The following SPOCK2 variants were observed in gnomAD, a reference collection of about 807,000 sequenced individuals.
SPOCK2 encodes the protein testican-2.
A neutral mutation model predicts 60.1 loss-of-function variants in SPOCK2; 39 were observed. That is an observed-to-expected ratio of 0.65 (90% CI 0.50 to 0.85). The LOEUF (loss-of-function observed/expected upper bound fraction) is 0.85. SPOCK2 is among the 40% of genes least tolerant of loss of function. The pLI, the probability that SPOCK2 is intolerant of heterozygous loss-of-function variation, is 0.00. For synonymous variants in SPOCK2, 217 were observed against 231.5 expected (o/e 0.94, Z 0.57); for missense variants, 523 against 567.4 (o/e 0.92, Z 0.80).
chr10:72,074,206 G>A (rs1840685512), intron 1 of SPOCK2, among the ~76,000 whole-genome samples: 1 of 152,146 alleles, frequency 6.6e-6, no homozygotes, highest in South Asian at 2.1e-4. Flanking sequence ...TGCCTAAAGG[G>A]CTTTGAAATC....
intron 4 of SPOCK2, 33 bp downstream of exon 4, chr10:72,072,111 C>T: frequency 2.8e-6 from 4 of 1,450,260 alleles, no homozygotes; most frequent in Middle Eastern, 1.8e-4. Flanking sequence ...GAACACACCC[C>T]CTCCAGGGCT....
At position 72,063,123 on chromosome 10, in the gene SPOCK2, C is replaced by T. The variant is rs150195500; in HGVS notation, c.1031G>A (p.Arg344Gln). The T allele has an allele frequency of 1.1e-5, 17 of 1,556,352 alleles. No homozygotes were observed. The highest frequency in any genetic ancestry group is 5.5e-5 in the African/African-American group (4 of 73,346). ...IPSCDEDGYY[R>Q]KMQCDQSSGD... is the part of the protein sequence containing the mutation. ...GCTGCTCTGGTCACACTGCATCTTC[C>T]GGTAGTAGCCATCCTCGTCGCAGCT... The change falls in exon 10 of 11, where the codon CGG (arginine) becomes CAG (glutamine). Residue 344 changes from arginine to glutamine, a missense_variant. Arg to Gln is a conservative substitution (Grantham distance 43). Transcript: ENST00000373109.
intron 1 of SPOCK2, among the ~76,000 whole-genome samples, chr10:72,079,887 T>C (rs571160081): frequency 6.6e-6 from 1 of 152,140 alleles, no homozygotes; most frequent in Non-Finnish European, 1.5e-5. Flanking sequence ...TGCCAGCAAG[T>C]GAGTCGCTTC....
At position 72,070,316 on chromosome 10, in the gene SPOCK2, G is replaced by C; in HGVS notation, c.470C>G (p.Ser157Cys). The C allele has an allele frequency of 6.2e-7, 1 of 1,614,138 alleles. No homozygotes were observed. ...CCTGGGGCCTGGGCTCCTCACCACA[G>C]AGCTGTAAGTGTGGCCATCTGAGCC... The part of the protein sequence containing the change: ...VCGSDGHTYS[S>C]VCKLEQQACL... The change falls in exon 5 of 11, where the codon TCT (serine) becomes TGT (cysteine). Residue 157 changes from serine to cysteine, a missense_variant. Coordinates refer to ENST00000373109, the MANE Select transcript of SPOCK2 (RefSeq NM_001244950.2).
chr10:72,064,815 C>A (rs1840546339), intron 8 of SPOCK2, among the ~76,000 whole-genome samples: 1 of 152,110 alleles, frequency 6.6e-6, no homozygotes, highest in African/African-American at 2.4e-5. Context: ...ACTGCAAGCT[C>A]TGCCTCCCGG....
At position 72,061,282 on chromosome 10, in the gene SPOCK2, G is replaced by C. The variant is rs1840488380; in HGVS notation, c.*1478C>G. The C allele has an allele frequency of 6.6e-6, 1 of 152,336 alleles. No homozygotes were observed. Among genetic ancestry groups the C allele is most frequent in the African/African-American group, 2.4e-5 (1 of 41,450 alleles). 9.4% of individuals were successfully genotyped at this position (152,336 alleles called of 1,614,324 possible). ...GGGGAACAGCGAGGTGTGAGGTGTG[G>C]CCTCAGAGCCCGGCTGCACCTGTCC... On this transcript the variant is annotated 3_prime_UTR_variant, in exon 11 of 11. Coordinates refer to ENST00000373109, the MANE Select transcript of SPOCK2 (RefSeq NM_001244950.2).
intron 1 of SPOCK2, among the ~76,000 whole-genome samples, chr10:72,085,300 T>A (rs1840840341): frequency 6.6e-6 from 1 of 151,964 alleles, no homozygotes; most frequent in South Asian, 2.1e-4. Context: ...AATCCCCTCC[T>A]CCCTGGCAGC....
intron 8 of SPOCK2, among the ~76,000 whole-genome samples, chr10:72,066,503 ATTTT>A (rs34886842): frequency 3.3e-3 from 414 of 124,008 alleles, no homozygotes; most frequent in Non-Finnish European, 5.0e-3. Context: ...ATGCCTGGCT[ATTTT>A]TTTTTTTTTT....
intron 1 of SPOCK2, among the ~76,000 whole-genome samples, chr10:72,085,658 AG>A (rs949039943): frequency 2.0e-5 from 3 of 152,100 alleles, no homozygotes; most frequent in African/African-American, 7.2e-5. Flanking sequence ...TAGGACAAAT[AG>A]GGGGGCCCTG....
At chr10:72,064,071 TG>T in intron 9 of SPOCK2, 106 bp downstream of exon 9, 2 of 1,435,440 alleles carry the variant, frequency 1.4e-6, no homozygotes, top group Non-Finnish European at 9.5e-7. Context: ...GGGCCTCCTC[TG>T]GGCTCCATGT....
At position 72,064,818 on chromosome 10, in the gene SPOCK2, C is replaced by T. The variant is rs551481114; in HGVS notation, c.929-578G>A. Among the ~76,000 whole-genome samples the T allele has an allele frequency of 1.2e-4, 19 of 152,148 alleles. No homozygotes were observed. The East Asian group carries it at 3.5e-3, about 28-fold the overall frequency. On this transcript the variant is annotated intron_variant, in intron 8 of 10. Coordinates refer to ENST00000373109, the MANE Select transcript of SPOCK2 (RefSeq NM_001244950.2). Reference sequence around the variant, plus strand: ...CGATCTCGGCTCACTGCAAGCTCTGCCTCCCGGGTTCACGCCATTCTCCTG... The same window carrying T: ...CGATCTCGGCTCACTGCAAGCTCTGTCTCCCGGGTTCACGCCATTCTCCTG...
At chr10:72,085,733 G>A (rs1004170831) in intron 1 of SPOCK2, among the ~76,000 whole-genome samples, 6 of 152,186 alleles carry the variant, frequency 3.9e-5, no homozygotes, top group East Asian at 3.9e-4. Context: ...GGGTTCAAAC[G>A]AAATTCCCCT....
chr10:72,082,444 C>T lies in SPOCK2; in HGVS notation c.189+5696G>A, dbSNP rs573721112. Among the ~76,000 whole-genome samples the T allele has an allele frequency of 3.9e-5, 6 of 152,326 alleles. No homozygotes were observed. In the East Asian group the frequency reaches 7.7e-4, roughly 20 times the overall value. ...TGCATATCTGTGTCCCCCCCAGACC[C>T]ATATGCTGAAATCCTGACCTCCAAT... is the stretch of plus-strand genomic sequence containing the variant. On this transcript the variant is annotated intron_variant, in intron 1 of 10. Transcript: ENST00000373109.
intron 1 of SPOCK2, among the ~76,000 whole-genome samples, chr10:72,081,242 C>T (rs1840779613): frequency 6.6e-6 from 1 of 152,238 alleles, no homozygotes; most frequent in African/African-American, 2.4e-5. Flanking sequence ...TCTGCTCCCC[C>T]AGTTCTTCCA....
chr10:72,066,799 G>T, intron 8 of SPOCK2, 103 bp downstream of exon 8: 1 of 1,323,576 alleles, frequency 7.6e-7, no homozygotes, highest in Non-Finnish European at 1.1e-6. Context: ...TGGGCCTGGG[G>T]ACGTAGCCAA....
intron 1 of SPOCK2, among the ~76,000 whole-genome samples, chr10:72,078,294 T>A (rs1406439471): frequency 6.6e-6 from 1 of 152,102 alleles, no homozygotes; most frequent in Non-Finnish European, 1.5e-5. Context: ...GGCGGGCGGA[T>A]CACGAGGTCA....
intron 6 of SPOCK2, 99 bp from the exon 7 acceptor site, chr10:72,067,831 G>A: frequency 6.6e-7 from 1 of 1,519,900 alleles, no homozygotes; most frequent in South Asian, 1.2e-5. Context: ...AGGCTGGGCA[G>A]GGGTCCGGGA....
rs754375650 is a variant in SPOCK2 at position 72,072,483 on chromosome 10, C to T, written c.244+20G>A. 1.7e-5 allele frequency: 28 copies of T among 1,613,782 alleles called. No homozygotes were observed. Among genetic ancestry groups the T allele is most frequent in the Non-Finnish European group, 2.0e-5 (24 of 1,180,012 alleles). ...TTCACACGTGTCAGTCACCTTCCCC[C>T]GCCGGGAGAGTCATGTTACCTTCAT... On this transcript the variant is annotated intron_variant, in intron 3 of 10. Transcript: ENST00000373109.
At chr10:72,079,142 T>C (rs187526762) in intron 1 of SPOCK2, among the ~76,000 whole-genome samples, 4 of 152,336 alleles carry the variant, frequency 2.6e-5, no homozygotes, top group Admixed American at 2.6e-4. Flanking sequence ...GTTAAGTGAC[T>C]TAGGCAGGGT....
Sources: allele counts gnomAD v4.1 joint callset (sites outside exome capture counted in the v4.1 genomes callset), GRCh38; gene constraint gnomAD v4.1.1; transcripts MANE v1.5; gene names NCBI Gene and HGNC (gene_info 2026-07-23, HGNC 2026-07-21).